ARV1: variants seen among roughly 807,000 people sequenced by gnomAD.
ARV1 encodes ARV1 fatty acid homeostasis modulator, also known as protein ARV1.
In ARV1, 26 loss-of-function variants were observed where a neutral mutation model predicts 31.1. The ratio of observed to expected loss-of-function variants is 0.84; its 90% CI spans 0.61 to 1.16. The LOEUF is 1.16. Among genes scored for constraint, ARV1 ranks in the 50% most tolerant of loss-of-function variants. The pLI is 0.00. For missense variants in ARV1, 281 were observed against 324.9 expected (o/e 0.86, Z 1.04); for synonymous variants, 117 against 123.2 (o/e 0.95, Z 0.34).
At chr1:230,985,694 G>T (rs1256436947) in intron 1 of ARV1, among the ~76,000 whole-genome samples, 1 of 152,044 alleles carries the variant, frequency 6.6e-6, no homozygotes, top group Non-Finnish European at 1.5e-5. Context: ...GACTTTTTAG[G>T]GTTTCCATTT....
At chr1:230,988,274 G>C (rs1572338371) in intron 1 of ARV1, 46 bp from the exon 2 acceptor site, 1 of 1,535,664 alleles carries the variant, frequency 6.5e-7, no homozygotes, top group Non-Finnish European at 8.9e-7. Flanking sequence ...GAGGATTTCA[G>C]AAAGTATACA....
intron 1 of ARV1, among the ~76,000 whole-genome samples, chr1:230,980,762 TC>T (rs748705491): frequency 3.3e-5 from 4 of 121,836 alleles, no homozygotes; most frequent in East Asian, 2.9e-4. Flanking sequence ...ACTTCTTCCA[TC>T]AAAAAAAAAA....
chr1:230,980,779 A>C (rs78965790), intron 1 of ARV1, among the ~76,000 whole-genome samples: 1 of 150,734 alleles, frequency 6.6e-6, no homozygotes, highest in Admixed American at 6.6e-5. Flanking sequence ...AAAAAAAAAA[A>C]CCAACACCAC....
chr1:230,986,991 T>G (rs1265591521), intron 1 of ARV1, among the ~76,000 whole-genome samples: 1 of 152,152 alleles, frequency 6.6e-6, no homozygotes, highest in Admixed American at 6.5e-5. Flanking sequence ...TAAGATTGGT[T>G]TTTTCCTTAT....
intron 1 of ARV1, among the ~76,000 whole-genome samples, chr1:230,985,048 A>G (rs575812632): frequency 2.0e-5 from 3 of 152,300 alleles, no homozygotes; most frequent in East Asian, 1.9e-4. Context: ...CTTCCCAGCT[A>G]GAGAGAGTCT....
At chr1:230,983,961 G>T (rs1678980591) in intron 1 of ARV1, among the ~76,000 whole-genome samples, 1 of 152,222 alleles carries the variant, frequency 6.6e-6, no homozygotes, top group Non-Finnish European at 1.5e-5. Flanking sequence ...ATCTGGGCAG[G>T]CGTGATGATT....
At chr1:230,996,685 CT>C (rs1679379630) in intron 4 of ARV1, among the ~76,000 whole-genome samples, 1 of 152,158 alleles carries the variant, frequency 6.6e-6, no homozygotes, top group African/African-American at 2.4e-5. Context: ...GTCTGTCCAC[CT>C]TGGCATCCCA....
At chr1:230,979,456 C>A in intron 1 of ARV1, 177 bp downstream of exon 1, 1 of 691,926 alleles carries the variant, frequency 1.4e-6, no homozygotes, top group Non-Finnish European at 2.3e-6. Flanking sequence ...GCGCTTTTCT[C>A]ATACTGGGGC....
intron 3 of ARV1, 38 bp from the exon 4 acceptor site, chr1:230,995,722 G>T: frequency 6.7e-7 from 1 of 1,494,742 alleles, no homozygotes; most frequent in South Asian, 1.2e-5. Flanking sequence ...TATTTTGGAT[G>T]GGGACATTCA....
At chr1:230,980,777 A>AAT (rs1558239904) in intron 1 of ARV1, among the ~76,000 whole-genome samples, 3 of 151,546 alleles carry the variant, frequency 2.0e-5, no homozygotes, top group Non-Finnish European at 2.9e-5. Flanking sequence ...AAAAAAAAAA[A>AAT]AACCAACACC....
intron 5 of ARV1, 135 bp downstream of exon 5, chr1:230,997,402 TTCC>T: frequency 9.5e-7 from 1 of 1,056,352 alleles, no homozygotes; most frequent in African/African-American, 1.6e-5. Context: ...CACCCTCATC[TTCC>T]TCAAGGACTT....
At chr1:230,982,370 C>T (rs1199412396) in intron 1 of ARV1, among the ~76,000 whole-genome samples, 1 of 152,208 alleles carries the variant, frequency 6.6e-6, no homozygotes, top group Non-Finnish European at 1.5e-5. Context: ...TTTGTATATG[C>T]ATTTTAGTTA....
intron 3 of ARV1, chr1:230,990,579 G>A: frequency 3.6e-6 from 1 of 277,720 alleles, no homozygotes; most frequent in Non-Finnish European, 6.9e-6. Flanking sequence ...TTTTAAGACA[G>A]GGTCTCACTC....
intron 1 of ARV1, among the ~76,000 whole-genome samples, chr1:230,982,639 T>C (rs774990472): frequency 5.9e-5 from 9 of 152,188 alleles, no homozygotes; most frequent in Non-Finnish European, 8.8e-5. Context: ...CCACAGTCAT[T>C]CCATAATGAG....
chr1:230,990,969 A>G (rs929050907), intron 3 of ARV1, among the ~76,000 whole-genome samples: 2 of 152,162 alleles, frequency 1.3e-5, no homozygotes, highest in Non-Finnish European at 1.5e-5. Flanking sequence ...TACCCAATGT[A>G]TTGTACTAAT....
intron 1 of ARV1, 115 bp from the exon 2 acceptor site, chr1:230,988,205 G>T: frequency 1.3e-6 from 1 of 786,992 alleles, no homozygotes; most frequent in Non-Finnish European, 2.0e-6. Context: ...ATAAATAATT[G>T]CTAATATGGC....
At chr1:230,996,263 G>T (rs1051542830) in intron 4 of ARV1, among the ~76,000 whole-genome samples, 59 of 152,174 alleles carry the variant, frequency 3.9e-4, no homozygotes, top group African/African-American at 1.4e-3. Flanking sequence ...TTATGAATGA[G>T]CTCCTGGGGC....
intron 5 of ARV1, among the ~76,000 whole-genome samples, chr1:230,997,471 A>G (rs1034973347): frequency 9.2e-5 from 14 of 152,160 alleles, no homozygotes; most frequent in African/African-American, 3.4e-4. Context: ...CCTCTGGGAC[A>G]TCAACATCCA....
chr1:230,988,271 T>C (rs769862486), intron 1 of ARV1, 49 bp from the exon 2 acceptor site: 34 of 1,532,642 alleles, frequency 2.2e-5, no homozygotes, highest in Non-Finnish European at 2.9e-5. Flanking sequence ...CTTGAGGATT[T>C]CAGAAAGTAT....
Sources: gnomAD v4.1 joint callset for allele counts (sites outside exome capture counted in the v4.1 genomes callset) on GRCh38, gnomAD v4.1.1 for gene constraint, MANE v1.5 for transcripts, NCBI Gene and HGNC (gene_info 2026-07-23, HGNC 2026-07-21) for gene names.